Variants in NEDD9 observed in about 807,000 individuals in gnomAD.
The protein encoded by NEDD9 is neural precursor cell expressed, developmentally down-regulated 9.
NEDD9 carries 26 observed loss-of-function variants against 76.6 expected under a neutral mutation model. The ratio of observed to expected loss-of-function variants is 0.34; its 90% CI spans 0.25 to 0.47. The LOEUF (loss-of-function observed/expected upper bound fraction) is 0.47. Among genes scored for constraint, NEDD9 ranks in the 20% least tolerant of loss-of-function variants. NEDD9 has a pLI of 1.00. For missense variants in NEDD9, 937 were observed against 1,058.5 expected (o/e 0.89, Z 1.59); for synonymous variants, 392 against 414.2 (o/e 0.95, Z 0.65).
At chr6:11,309,274 A>G (rs1761293266) in intron 2 of NEDD9, among the ~76,000 whole-genome samples, 1 of 152,234 alleles carries the variant, frequency 6.6e-6, no homozygotes. Flanking sequence ...ATTCCACTGT[A>G]TGGATATGCC....
intron 3 of NEDD9, among the ~76,000 whole-genome samples, chr6:11,275,577 T>TAC (rs774767666): frequency 1.3e-4 from 20 of 150,920 alleles, no homozygotes; most frequent in Non-Finnish European, 2.9e-4. Flanking sequence ...TATATATATA[T>TAC]ACAAAATTTT....
intron 2 of NEDD9, among the ~76,000 whole-genome samples, chr6:11,330,516 G>A (rs1762013281): frequency 6.6e-6 from 1 of 152,178 alleles, no homozygotes; most frequent in Admixed American, 6.5e-5. Flanking sequence ...ACGTAGCAAA[G>A]GCAACCAGTG....
At chr6:11,292,510 A>T (rs1760801178) in intron 3 of NEDD9, among the ~76,000 whole-genome samples, 1 of 151,794 alleles carries the variant, frequency 6.6e-6, no homozygotes, top group Admixed American at 6.6e-5. Flanking sequence ...AGGCCCAATG[A>T]CTCTTCCACC....
At chr6:11,378,013 T>A (rs1762995142) in intron 1 of NEDD9, among the ~76,000 whole-genome samples, 1 of 152,092 alleles carries the variant, frequency 6.6e-6, no homozygotes. Flanking sequence ...GAGGCTGAGG[T>A]GGGTGGATCA....
chr6:11,371,183 C>T (rs1762868063), intron 1 of NEDD9, among the ~76,000 whole-genome samples: 1 of 152,194 alleles, frequency 6.6e-6, no homozygotes, highest in Non-Finnish European at 1.5e-5. Context: ...CCATATACCT[C>T]CTGCTCCCAC....
At chr6:11,223,506 CAAAA>C (rs961415827) in intron 1 of NEDD9, among the ~76,000 whole-genome samples, 26 of 150,542 alleles carry the variant, frequency 1.7e-4, no homozygotes, top group African/African-American at 6.4e-4. Context: ...ACCAACAAAA[CAAAA>C]AACCCAGAAA....
At chr6:11,346,353 T>C (rs542054095) in intron 1 of NEDD9, among the ~76,000 whole-genome samples, 1 of 152,238 alleles carries the variant, frequency 6.6e-6, no homozygotes, top group African/African-American at 2.4e-5. Flanking sequence ...AGCCCTTAAC[T>C]GACTAAAGAA....
At chr6:11,297,743 C>T (rs1394399275) in intron 3 of NEDD9, among the ~76,000 whole-genome samples, 1 of 152,248 alleles carries the variant, frequency 6.6e-6, no homozygotes, top group South Asian at 2.1e-4. Context: ...CATGTTTAAT[C>T]ATCACAAACC....
At chr6:11,304,372 T>C (rs903190287) in intron 3 of NEDD9, among the ~76,000 whole-genome samples, 1 of 152,172 alleles carries the variant, frequency 6.6e-6, no homozygotes, top group African/African-American at 2.4e-5. Context: ...TGTAAACTGG[T>C]TCAACCATTG....
intron 1 of NEDD9, among the ~76,000 whole-genome samples, chr6:11,376,108 G>A (rs967592434): frequency 5.3e-5 from 8 of 152,228 alleles, no homozygotes; most frequent in Non-Finnish European, 1.2e-4. Context: ...ACTGGCGTGA[G>A]CCACCGTGCC....
intron 3 of NEDD9, among the ~76,000 whole-genome samples, chr6:11,262,441 C>G (rs921812146): frequency 6.6e-6 from 1 of 152,198 alleles, no homozygotes; most frequent in Non-Finnish European, 1.5e-5. Context: ...AATTCCCTTC[C>G]TGTCCTAAGG....
chr6:11,346,518 G>C (rs908888695), intron 1 of NEDD9, among the ~76,000 whole-genome samples: 1 of 151,788 alleles, frequency 6.6e-6, no homozygotes, highest in African/African-American at 2.4e-5. Flanking sequence ...CTCTTTACTG[G>C]GTAAAATAAA....
In NEDD9 at chr6:11,190,759, G is replaced by A. The variant is rs1758118657; in HGVS notation, c.1110C>T (p.Phe370=). The part of the protein sequence containing the change: ...DLVDGINRLS[F]SSTGSTRSNM... ...TACTCCGGGTGCTGCCTGTACTGGA[G>A]AAAGACAATCGGTTGATCCCATCCA... The change falls in exon 5 of 7, where the codon TTC becomes TTT. Residue 370 remains phenylalanine (F), a synonymous_variant. Coordinates refer to ENST00000379446, the MANE Select transcript of NEDD9 (RefSeq NM_006403.4). The surrounding 1 kb of genome is among the most constrained non-coding windows in gnomAD (Gnocchi z 5.8). 1.9e-6 allele frequency: 3 copies of A among 1,614,036 alleles called. No individual in the cohort carries two copies. In the South Asian group the frequency reaches 3.3e-5, roughly 18 times the overall value.
intron 3 of NEDD9, among the ~76,000 whole-genome samples, chr6:11,247,230 T>C (rs984139572): frequency 2.6e-5 from 4 of 152,208 alleles, no homozygotes; most frequent in Non-Finnish European, 5.9e-5. Context: ...CTCAAGTCTG[T>C]CCTCCTAAAA....
At chr6:11,326,266 G>C (rs886520923) in intron 2 of NEDD9, among the ~76,000 whole-genome samples, 6 of 152,086 alleles carry the variant, frequency 3.9e-5, no homozygotes, top group Non-Finnish European at 8.8e-5. Context: ...TGAGTTCAAA[G>C]CAACACAGGA....
intron 2 of NEDD9, among the ~76,000 whole-genome samples, chr6:11,204,973 C>T (rs2113743454): frequency 6.6e-6 from 1 of 152,208 alleles, no homozygotes; most frequent in South Asian, 2.1e-4. Flanking sequence ...AGGTGGGAGC[C>T]CTGGGCAGCA....
intron 2 of NEDD9, among the ~76,000 whole-genome samples, chr6:11,318,165 C>G (rs903729340): frequency 6.6e-6 from 1 of 152,198 alleles, no homozygotes; most frequent in Non-Finnish European, 1.5e-5. Context: ...AGGAACCACA[C>G]CATCAGCTCT....
chr6:11,365,213 C>T (rs925534195), intron 1 of NEDD9, among the ~76,000 whole-genome samples: 2 of 152,206 alleles, frequency 1.3e-5, no homozygotes, highest in Non-Finnish European at 2.9e-5. Context: ...CTAGTTAATG[C>T]AGAAACATCC....
At chr6:11,342,409 G>GA (rs34823171) in intron 1 of NEDD9, among the ~76,000 whole-genome samples, 50,625 of 151,924 alleles carry the variant, frequency 0.33, 10,161 homozygotes, top group East Asian at 0.62. Flanking sequence ...TGAAGATAAA[G>GA]TAGAATGTTA....
Sources: allele counts gnomAD v4.1 joint callset (sites outside exome capture counted in the v4.1 genomes callset), GRCh38; gene constraint gnomAD v4.1.1; non-coding constraint Gnocchi (gnomAD v3.1); transcripts MANE v1.5; gene names NCBI Gene and HGNC (gene_info 2026-07-23, HGNC 2026-07-21).